Variants in MED26 observed in about 807,000 individuals in gnomAD.
The protein encoded by MED26 is mediator of RNA polymerase II transcription subunit 26.
MED26 carries 7 observed loss-of-function variants against 43.7 expected under a neutral mutation model. That is an observed-to-expected ratio of 0.16 (90% CI 0.09 to 0.30). The LOEUF (loss-of-function observed/expected upper bound fraction) is 0.30. Ranked by LOEUF, MED26 falls within the 10% of genes least tolerant of loss-of-function variation. MED26 has a pLI of 1.00. For synonymous variants in MED26, 375 were observed against 371.1 expected (o/e 1.01, Z -0.12); for missense variants, 784 against 840.6 (o/e 0.93, Z 0.83).
intron 1 of MED26, among the ~76,000 whole-genome samples, chr19:16,620,961 C>A (rs2086248986): frequency 6.6e-6 from 1 of 152,196 alleles, no homozygotes; most frequent in Admixed American, 6.5e-5. Flanking sequence ...AATGAACCCT[C>A]ATACTCAAAA....
rs77076369 is a variant in MED26, at chr19:16,608,251, T to C, written c.72+19621A>G. 4.9e-3 allele frequency among the ~76,000 whole-genome samples: 741 copies of C among 152,374 alleles called. 43 individuals carry two copies. The East Asian group carries it at 0.13, about 27-fold the overall frequency. ...TTTCAGGAATCAAAGGAGCCATTAC[T>C]AACAATTACATTATATAAGCTTACA... On this transcript the variant is annotated intron_variant, in intron 1 of 2. Coordinates refer to ENST00000263390, the MANE Select transcript of MED26 (RefSeq NM_004831.5).
intron 1 of MED26, chr19:16,597,508 T>C (rs2086126267): frequency 2.5e-6 from 1 of 398,462 alleles, no homozygotes; most frequent in Non-Finnish European, 4.4e-6. Flanking sequence ...AAGACAATCA[T>C]GCCTGGGTGA....
chr19:16,579,880 C>T (rs2086035924), intron 1 of MED26, among the ~76,000 whole-genome samples: 1 of 152,180 alleles, frequency 6.6e-6, no homozygotes, highest in South Asian at 2.1e-4. Context: ...TCACATATTT[C>T]AAAACCAAAC....
intron 1 of MED26, among the ~76,000 whole-genome samples, chr19:16,613,603 G>A (rs1224630859): frequency 6.6e-6 from 1 of 152,190 alleles, no homozygotes; most frequent in African/African-American, 2.4e-5. Context: ...GTTATCTCCG[G>A]ATGAAAGCAA....
At chr19:16,600,175 C>T (rs2086141912) in intron 1 of MED26, among the ~76,000 whole-genome samples, 1 of 152,070 alleles carries the variant, frequency 6.6e-6, no homozygotes, top group South Asian at 2.1e-4. Context: ...CCCCCGGGCC[C>T]TCCTGCCACA....
At chr19:16,625,321 C>T (rs752830709) in intron 1 of MED26, among the ~76,000 whole-genome samples, 2 of 152,226 alleles carry the variant, frequency 1.3e-5, no homozygotes, top group African/African-American at 2.4e-5. Flanking sequence ...CTAAGAATTC[C>T]TTTGTCAAGG....
At chr19:16,609,808 C>T (rs1430629318) in intron 1 of MED26, among the ~76,000 whole-genome samples, 2 of 151,740 alleles carry the variant, frequency 1.3e-5, no homozygotes, top group African/African-American at 2.4e-5. Flanking sequence ...AAAAAAAATG[C>T]TTCCAAGTTT....
chr19:16,626,179 A>C (rs2086273899), intron 1 of MED26, among the ~76,000 whole-genome samples: 1 of 152,138 alleles, frequency 6.6e-6, no homozygotes, highest in South Asian at 2.1e-4. Context: ...CCTGATCCCA[A>C]AGCTCTCTGA....
At chr19:16,607,942 C>A (rs755592609) in intron 1 of MED26, among the ~76,000 whole-genome samples, 1 of 152,240 alleles carries the variant, frequency 6.6e-6, no homozygotes, top group Admixed American at 6.5e-5. Flanking sequence ...ACTACGATCA[C>A]GAGAACTGTC....
chr19:16,614,109 A>G (rs1475082007), intron 1 of MED26, among the ~76,000 whole-genome samples: 5 of 152,188 alleles, frequency 3.3e-5, no homozygotes, highest in Non-Finnish European at 7.3e-5. Flanking sequence ...TGGCAACACC[A>G]GCTCCATGTC....
intron 1 of MED26, among the ~76,000 whole-genome samples, chr19:16,613,939 C>T (rs370571365): frequency 5.9e-5 from 9 of 152,288 alleles, no homozygotes; most frequent in Non-Finnish European, 1.0e-4. Context: ...CTCACTTCCC[C>T]CCTTCCAACC....
At chr19:16,617,341 G>C (rs1457918642) in intron 1 of MED26, among the ~76,000 whole-genome samples, 1 of 152,146 alleles carries the variant, frequency 6.6e-6, no homozygotes, top group African/African-American at 2.4e-5. Context: ...CTGCACAAAA[G>C]GTCCTGCTCC....
intron 1 of MED26, among the ~76,000 whole-genome samples, chr19:16,593,295 G>GGGAGAGGC (rs1208103478): frequency 6.6e-6 from 1 of 152,212 alleles, no homozygotes; most frequent in Non-Finnish European, 1.5e-5. Context: ...TTTCCAGCAA[G>GGGAGAGGC]GGAGAGGCAG....
chr19:16,601,773 G>A (rs750093176), intron 1 of MED26, among the ~76,000 whole-genome samples: 1 of 152,260 alleles, frequency 6.6e-6, no homozygotes, highest in Non-Finnish European at 1.5e-5. Context: ...GCCAGACAAG[G>A]TGGGGACACC....
At chr19:16,615,771 T>C (rs1289267711) in intron 1 of MED26, among the ~76,000 whole-genome samples, 1 of 150,994 alleles carries the variant, frequency 6.6e-6, no homozygotes, top group Non-Finnish European at 1.5e-5. Flanking sequence ...AAAAAAAAGT[T>C]TAGGACAGGC....
intron 1 of MED26, among the ~76,000 whole-genome samples, chr19:16,607,179 AAAAT>A (rs1189277832): frequency 6.6e-6 from 1 of 151,424 alleles, no homozygotes; most frequent in Non-Finnish European, 1.5e-5. Flanking sequence ...CTGTCTCTAA[AAAAT>A]AAATAGATAA....
chr19:16,623,190 C>G (rs947210103), intron 1 of MED26, among the ~76,000 whole-genome samples: 3 of 152,138 alleles, frequency 2.0e-5, no homozygotes, highest in Non-Finnish European at 4.4e-5. Context: ...AAGACAAGGA[C>G]ATACACCTGT....
chr19:16,582,795 G>A (rs1172368163), intron 1 of MED26, among the ~76,000 whole-genome samples: 1 of 152,204 alleles, frequency 6.6e-6, no homozygotes, highest in Non-Finnish European at 1.5e-5. Flanking sequence ...CGACTTCCAT[G>A]CTGGAAAGCA....
At position 16,625,778 on chromosome 19, in the gene MED26, A is replaced by G. The variant is rs369838312; in HGVS notation, c.72+2094T>C. 6.6e-5 allele frequency among the ~76,000 whole-genome samples: 10 copies of G among 152,262 alleles called. No homozygotes were observed. The East Asian group carries it at 1.5e-3, about 24-fold the overall frequency. ...GTCCACCGCGGCTCTGTGTTTCTGC[A>G]TGGTGTTTGCTCAAAGCAAACGGTC... On this transcript the variant is annotated intron_variant, in intron 1 of 2. Coordinates refer to ENST00000263390, the MANE Select transcript of MED26 (RefSeq NM_004831.5).
Sources: gnomAD v4.1 joint callset for allele counts (sites outside exome capture counted in the v4.1 genomes callset) on GRCh38, gnomAD v4.1.1 for gene constraint, MANE v1.5 for transcripts, NCBI Gene and HGNC (gene_info 2026-07-23, HGNC 2026-07-21) for gene names.